Variants in PLCB1 observed in about 807,000 individuals in gnomAD.
PLCB1 encodes 1-phosphatidylinositol 4,5-bisphosphate phosphodiesterase beta-1.
Under a neutral mutation model 161.8 loss-of-function variants are expected in PLCB1, and 46 were observed. The observed-to-expected ratio is 0.28, with a 90% confidence interval of 0.22 to 0.36. The LOEUF (loss-of-function observed/expected upper bound fraction) is 0.36. PLCB1 is among the 10% of genes least tolerant of loss of function. The pLI is 1.00. For missense variants in PLCB1, 1,016 were observed against 1,472.5 expected (o/e 0.69, Z 5.07); for synonymous variants, 517 against 503.7 (o/e 1.03, Z -0.35).
chr20:8,554,807 ATAATAT>A (rs1302637583), intron 3 of PLCB1, among the ~76,000 whole-genome samples: 1 of 152,132 alleles, frequency 6.6e-6, no homozygotes, highest in African/African-American at 2.4e-5. Context: ...TTCTTGCTTA[ATAATAT>A]TAGTATCACC....
intron 3 of PLCB1, among the ~76,000 whole-genome samples, chr20:8,605,607 T>C (rs1987733182): frequency 6.7e-6 from 1 of 149,234 alleles, no homozygotes; most frequent in African/African-American, 2.5e-5. Context: ...TGTTTGGTGT[T>C]TTCTTTTTTT....
chr20:8,142,539 C>T (rs144739496), intron 1 of PLCB1, among the ~76,000 whole-genome samples: 133 of 152,282 alleles, frequency 8.7e-4, no homozygotes, highest in Non-Finnish European at 1.6e-3. Context: ...GGTGATGATG[C>T]TTAATGTATT....
chr20:8,323,730 G>T (rs1399179277), intron 2 of PLCB1, among the ~76,000 whole-genome samples: 2 of 152,206 alleles, frequency 1.3e-5, no homozygotes, highest in South Asian at 4.1e-4. Context: ...ACCTCTTGAT[G>T]GAAGAATTGT....
chr20:8,295,064 T>C (rs1349246879), intron 2 of PLCB1, among the ~76,000 whole-genome samples: 3 of 152,140 alleles, frequency 2.0e-5, no homozygotes, highest in African/African-American at 7.2e-5. Flanking sequence ...AAACATAACT[T>C]TAAACATATT....
chr20:8,176,033 T>C (rs73895561), intron 2 of PLCB1, among the ~76,000 whole-genome samples: 1,852 of 152,318 alleles, frequency 0.012, 42 homozygotes, highest in African/African-American at 0.041. Context: ...TACCAAATGC[T>C]GGCAAGGGTG....
At chr20:8,507,015 G>A (rs764686541) in intron 3 of PLCB1, among the ~76,000 whole-genome samples, 17 of 152,080 alleles carry the variant, frequency 1.1e-4, no homozygotes, top group Non-Finnish European at 2.4e-4. Context: ...TTGACCAGGA[G>A]CCTTACCAAT....
intron 31 of PLCB1, among the ~76,000 whole-genome samples, chr20:8,871,852 T>A (rs1987620810): frequency 1.3e-5 from 2 of 152,336 alleles, no homozygotes; most frequent in South Asian, 4.1e-4. Context: ...CAATATTAAT[T>A]AATAAGCAAA....
chr20:8,711,210 TCTC>T (rs1263192039), intron 12 of PLCB1, among the ~76,000 whole-genome samples: 1 of 152,146 alleles, frequency 6.6e-6, no homozygotes, highest in Non-Finnish European at 1.5e-5. Flanking sequence ...AACCAACACA[TCTC>T]CTACGCCTAA....
At chr20:8,786,973 G>A (rs1983519832) in intron 27 of PLCB1, among the ~76,000 whole-genome samples, 1 of 152,056 alleles carries the variant, frequency 6.6e-6, no homozygotes, top group Non-Finnish European at 1.5e-5. Flanking sequence ...CCAAAGTGCT[G>A]GAATTAAAGT....
intron 2 of PLCB1, among the ~76,000 whole-genome samples, chr20:8,291,747 A>C (rs1983391514): frequency 6.6e-6 from 1 of 152,144 alleles, no homozygotes; most frequent in African/African-American, 2.4e-5. Context: ...TAACTTCACC[A>C]TGGTGTAGGT....
intron 29 of PLCB1, 29 bp downstream of exon 29, chr20:8,788,751 C>G (rs1177688064): frequency 2.9e-6 from 4 of 1,372,932 alleles, no homozygotes; most frequent in Non-Finnish European, 4.1e-6. Flanking sequence ...CTCTCCCAAA[C>G]AGTTCATCTG....
At chr20:8,187,984 G>T (rs556076189) in intron 2 of PLCB1, among the ~76,000 whole-genome samples, 11 of 152,258 alleles carry the variant, frequency 7.2e-5, no homozygotes, top group Middle Eastern at 3.4e-3. Context: ...TCTGTGGCAT[G>T]TAACAGTGGT....
At chr20:8,398,064 T>A (rs770738818) in intron 3 of PLCB1, among the ~76,000 whole-genome samples, 14 of 152,160 alleles carry the variant, frequency 9.2e-5, no homozygotes, top group Non-Finnish European at 1.8e-4. Context: ...TTACAGAATC[T>A]TTATTCACAC....
intron 11 of PLCB1, among the ~76,000 whole-genome samples, chr20:8,706,981 A>C (rs191083381): frequency 6.6e-6 from 1 of 152,348 alleles, no homozygotes; most frequent in South Asian, 2.1e-4. Flanking sequence ...GCAAGGATTC[A>C]AAAGTCGGTT....
intron 1 of PLCB1, among the ~76,000 whole-genome samples, chr20:8,140,778 C>A (rs1228344175): frequency 9.2e-5 from 14 of 151,526 alleles, no homozygotes; most frequent in African/African-American, 3.4e-4. Flanking sequence ...GTAACAACAA[C>A]AACAACAAAA....
chr20:8,853,553 T>C (rs1986960979), intron 31 of PLCB1, among the ~76,000 whole-genome samples: 1 of 152,208 alleles, frequency 6.6e-6, no homozygotes, highest in Admixed American at 6.5e-5. Flanking sequence ...CTATAAAGTA[T>C]GTGAATACAC....
In PLCB1 at chr20:8,312,035, C is replaced by T. The variant is rs867419895; in HGVS notation, c.178-59347C>T. 3.3e-5 allele frequency among the ~76,000 whole-genome samples: 5 copies of T among 152,120 alleles called. No individual in the cohort carries two copies. The South Asian group carries it at 6.2e-4, about 19-fold the overall frequency. ...CCATGCTGCTTGCATATACAGATAACGGTGAGTTGCAGATGATATTATAGG... is the reference window on the plus strand; with the variant it reads ...CCATGCTGCTTGCATATACAGATAATGGTGAGTTGCAGATGATATTATAGG... On this transcript the variant is annotated intron_variant, in intron 2 of 31. Coordinates refer to ENST00000338037, the MANE Select transcript of PLCB1 (RefSeq NM_015192.4).
At chr20:8,540,527 C>G (rs1985268292) in intron 3 of PLCB1, among the ~76,000 whole-genome samples, 1 of 152,140 alleles carries the variant, frequency 6.6e-6, no homozygotes, top group Admixed American at 6.5e-5. Flanking sequence ...GCCCCTTGTG[C>G]CTGTCAGCCT....
intron 3 of PLCB1, among the ~76,000 whole-genome samples, chr20:8,573,856 C>T (rs1986596726): frequency 6.6e-6 from 1 of 152,112 alleles, no homozygotes; most frequent in African/African-American, 2.4e-5. Flanking sequence ...AACAAAAGGC[C>T]AAGAATTCCA....
Sources: gnomAD v4.1 joint callset for allele counts (sites outside exome capture counted in the v4.1 genomes callset) on GRCh38, gnomAD v4.1.1 for gene constraint, MANE v1.5 for transcripts, NCBI Gene and HGNC (gene_info 2026-07-23, HGNC 2026-07-21) for gene names.